Variants in ZNF28 observed in about 807,000 individuals in gnomAD.
ZNF28 encodes the protein zinc finger protein KOX24.
A neutral mutation model predicts 7.2 loss-of-function variants in ZNF28; 5 were observed. The ratio of observed to expected loss-of-function variants is 0.70; its 90% CI spans 0.36 to 1.46. The LOEUF (loss-of-function observed/expected upper bound fraction) is 1.46. ZNF28 is among the 40% of genes most tolerant of loss of function. ZNF28 has a pLI of 0.03. For synonymous variants in ZNF28, 288 were observed against 292.4 expected (o/e 0.99, Z 0.15); for missense variants, 879 against 866.6 (o/e 1.01, Z -0.18).
chr19:52,810,546 G>T, intron 2 of ZNF28: 1 of 1,596,110 alleles, frequency 6.3e-7, no homozygotes, highest in Non-Finnish European at 8.6e-7. Context: ...AACAGACCAG[G>T]CATCAGCACA....
At chr19:52,810,769 A>T (rs112092200) in intron 2 of ZNF28, 31 of 516,408 alleles carry the variant, frequency 6.0e-5, no homozygotes, top group South Asian at 9.0e-5. Context: ...AAAAAAGAAT[A>T]AAAAAAAACC....
chr19:52,801,066 C>T lies in ZNF28; in HGVS notation c.779G>A (p.Cys260Tyr), dbSNP rs1222614367. The T allele has an allele frequency of 4.3e-6, 7 of 1,614,156 alleles. No individual in the cohort carries two copies. Among genetic ancestry groups the T allele is most frequent in the Middle Eastern group, 1.6e-4 (1 of 6,062 alleles). ...KVFNQKRYLA[C>Y]HRRSHIDEKP... ...CTCATCAATGTGAGATCTACGATGG[C>T]ATGCAAGGTATCGCTTCTGATTAAA... The change falls in exon 4 of 4, where the codon TGC (cysteine) becomes TAC (tyrosine). Residue 260 changes from cysteine to tyrosine, a missense_variant. By Grantham distance (194) the Cys-to-Tyr change is radical. This residue lies in a region of ZNF28 where 864 missense variants were observed against 830.2 expected (regional missense o/e 1.04). Coordinates refer to ENST00000457749, the MANE Select transcript of ZNF28 (RefSeq NM_006969.5).
rs1324104408 is a variant in ZNF28, at chr19:52,797,558, T to C, written c.*2130A>G. On this transcript the variant is annotated 3_prime_UTR_variant, in exon 4 of 4. Coordinates refer to ENST00000457749, the MANE Select transcript of ZNF28 (RefSeq NM_006969.5). ...GCACCAAAAATTAGTTGAATTTCCA[T>C]ACATTAACATTAAATAATTTTAAAA... 1 of 152,278 alleles carries C rather than the reference T, an allele frequency of 6.6e-6. No individual in the cohort carries two copies. The highest frequency in any genetic ancestry group is 1.5e-5 in the Non-Finnish European group (1 of 68,024). 9.4% of individuals were successfully genotyped at this position (152,278 alleles called of 1,614,324 possible).
At chr19:52,808,221 T>C in intron 2 of ZNF28, 88 bp from the exon 3 acceptor site, 2 of 1,569,608 alleles carry the variant, frequency 1.3e-6, no homozygotes, top group South Asian at 1.2e-5. Flanking sequence ...AGCATGGATT[T>C]AGTTGTAGTG....
rs543381562 is a variant in ZNF28, at chr19:52,808,078, C to G, written c.71G>C (p.Cys24Ser). The G allele has an allele frequency of 9.9e-6, 16 of 1,613,508 alleles. No homozygotes were observed. The South Asian group carries it at 1.8e-4, about 18-fold the overall frequency. Residue 24 changes from cysteine to serine, a missense_variant, in exon 3 of 4, where the codon TGC becomes TCC. By Grantham distance (112) the Cys-to-Ser change is moderately radical. Transcript: ENST00000457749. ...AAGAGTCCTCTGAGCAGGGTCCAGG[C>G]ATTTCCACTCCTCCTGAGAGAATTC... ...AIEFSQEEWK[C>S]LDPAQRTLYR...
intron 1 of ZNF28, among the ~76,000 whole-genome samples, chr19:52,818,569 C>T (rs1382935027): frequency 2.0e-5 from 3 of 151,886 alleles, no homozygotes; most frequent in East Asian, 1.9e-4. Flanking sequence ...AAAAAGTAGC[C>T]GGGCTTGATG....
chr19:52,812,427 A>C (rs1455673179), intron 2 of ZNF28, among the ~76,000 whole-genome samples: 1 of 129,566 alleles, frequency 7.7e-6, no homozygotes, highest in Non-Finnish European at 1.6e-5. Context: ...ACTAAGAAAA[A>C]TACTTCTGCC....
chr19:52,811,441 A>C (rs1185954635), intron 2 of ZNF28, among the ~76,000 whole-genome samples: 1 of 136,378 alleles, frequency 7.3e-6, no homozygotes, highest in East Asian at 2.2e-4. Context: ...CCATCTAGGA[A>C]GCGAGGAGCG....
In ZNF28 at chr19:52,799,436, G is replaced by A. The variant is rs1244755716; in HGVS notation, c.*252C>T. 4.0e-6 allele frequency: 3 copies of A among 752,944 alleles called. No homozygotes were observed. Among genetic ancestry groups the A allele is most frequent in the Non-Finnish European group, 6.7e-6 (3 of 450,728 alleles). 46.6% of individuals were successfully genotyped at this position (752,944 alleles called of 1,614,324 possible). A position where few individuals can be genotyped will look rare whatever the true frequency, so the allele number is the denominator to read the frequency against. On this transcript the variant is annotated 3_prime_UTR_variant, in exon 4 of 4. Coordinates refer to ENST00000457749, the MANE Select transcript of ZNF28 (RefSeq NM_006969.5). The stretch of plus-strand genomic sequence containing the variant: ...AAACTTTGTCACATTCTTCCTATTT[G>A]TAAAGTTTCTCTGCAGTATGAATTC...
Position 52,801,015 on chromosome 19 carries a change from C to T in ZNF28, c.830G>A (p.Gly277Asp). Residue 277 changes from glycine to aspartate, a missense_variant, in exon 4 of 4, where the codon GGC becomes GAC. Around this residue, in one of 2 missense-constraint regions of ZNF28, gnomAD observed 864 missense variants for 830.2 expected, o/e 1.04. Transcript: ENST00000457749. ...GGATGTATTGTGACCAAAGATCTTGCCACACTCATTACACTTGTAAGGTTT... is the reference window on the plus strand; with the variant it reads ...GGATGTATTGTGACCAAAGATCTTGTCACACTCATTACACTTGTAAGGTTT... ...DEKPYKCNEC[G>D]KIFGHNTSLF... 1 of 1,614,078 alleles carries T rather than the reference C, an allele frequency of 6.2e-7. No homozygotes were observed. The highest frequency in any genetic ancestry group is 8.5e-7 in the Non-Finnish European group (1 of 1,180,008).
Position 52,808,077 on chromosome 19 carries a change from G to C in ZNF28, c.72C>G (p.Cys24Trp). 1.2e-6 allele frequency: 2 copies of C among 1,613,476 alleles called. No homozygotes were observed. The highest frequency in any genetic ancestry group is 1.7e-6 in the Non-Finnish European group (2 of 1,179,550). ...AIEFSQEEWKCLDPAQRTLYR... is the reference protein window; with the variant it reads ...AIEFSQEEWKWLDPAQRTLYR... ...AAAGAGTCCTCTGAGCAGGGTCCAG[G>C]CATTTCCACTCCTCCTGAGAGAATT... Residue 24 changes from cysteine (C) to tryptophan (W), a missense_variant, in exon 3 of 4, where the codon TGC becomes TGG. Coordinates refer to ENST00000457749, the MANE Select transcript of ZNF28 (RefSeq NM_006969.5).
intron 2 of ZNF28, chr19:52,810,366 T>C (rs1400434178): frequency 3.1e-6 from 5 of 1,604,854 alleles, no homozygotes; most frequent in Middle Eastern, 4.2e-4. Flanking sequence ...GGAAGCTCAC[T>C]TTCATGGCTG....
Position 52,817,941 on chromosome 19 carries a change from C to A in ZNF28, c.15+3G>T. On this transcript the variant is annotated splice_donor_region_variant and intron_variant, in intron 2 of 3. Transcript: ENST00000457749. ...GAGCAATCCACCGAGAATACCATCTCACCTGAGGAAGAGCCATCCCTGACT... is the reference window on the plus strand; with the variant it reads ...GAGCAATCCACCGAGAATACCATCTAACCTGAGGAAGAGCCATCCCTGACT... 6.2e-7 allele frequency: 1 copy of A among 1,610,816 alleles called. No homozygotes were observed. Among genetic ancestry groups the A allele is most frequent in the Non-Finnish European group, 8.5e-7 (1 of 1,179,842 alleles).
Position 52,800,346 on chromosome 19 carries a change from C to G in ZNF28, c.1499G>C (p.Cys500Ser), listed in dbSNP as rs770134776. The G allele has an allele frequency of 3.7e-6, 6 of 1,613,952 alleles. No individual in the cohort carries two copies. Among genetic ancestry groups the G allele is most frequent in the Middle Eastern group, 1.6e-4 (1 of 6,084 alleles). Residue 500 changes from cysteine (C) to serine (S), a missense_variant, in exon 4 of 4, where the codon TGT becomes TCT. Coordinates refer to ENST00000457749, the MANE Select transcript of ZNF28 (RefSeq NM_006969.5). ...TGAATCACTCCGGAAAGCCTTGTCA[C>G]AAACCTTACATTTGTATGGTTTCTC... ...TGEKPYKCKV[C>S]DKAFRSDSCL...
intron 2 of ZNF28, chr19:52,810,636 T>TA: frequency 7.4e-7 from 1 of 1,347,460 alleles, no homozygotes; most frequent in Non-Finnish European, 1.1e-6. Context: ...TCTACAGTGG[T>TA]TTTAACAGCA....
rs1466882451 is a variant in ZNF28, at chr19:52,801,397, C to T, written c.448G>A (p.Glu150Lys). 1.1e-5 allele frequency: 17 copies of T among 1,614,062 alleles called. No homozygotes were observed. The highest frequency in any genetic ancestry group is 1.4e-5 in the Non-Finnish European group (16 of 1,180,052). The change falls in exon 4 of 4, where the codon GAA becomes AAA. Residue 150 changes from glutamate to lysine, a missense_variant. Coordinates refer to ENST00000457749, the MANE Select transcript of ZNF28 (RefSeq NM_006969.5). ...LGLSFHSHLPELHIFQPEGKI... is the reference protein window; with the variant it reads ...LGLSFHSHLPKLHIFQPEGKI... ...CCTTCAGGCTGAAATATGTGCAGTT[C>T]AGGCAGATGCGAATGAAAGCTTAAT...
intron 2 of ZNF28, among the ~76,000 whole-genome samples, chr19:52,813,796 C>G (rs73067558): frequency 0.056 from 8,180 of 146,616 alleles, 1,105 homozygotes; most frequent in African/African-American, 0.1. Flanking sequence ...GGGAAATGCA[C>G]TACCTTGTTT....
Position 52,800,029 on chromosome 19 carries a change from G to T in ZNF28, c.1816C>A (p.Pro606Thr). ...QHQRVHTGEK[P>T]YKCNECGKTF... ...TTGCCACACTCATTACACTTGTAAG[G>T]TTTCTCTCCAGTATGAACTCTCTGA... The change falls in exon 4 of 4, where the codon CCT becomes ACT. Residue 606 changes from proline to threonine, a missense_variant. Coordinates refer to ENST00000457749, the MANE Select transcript of ZNF28 (RefSeq NM_006969.5). 2 of 1,614,184 alleles carry T rather than the reference G, an allele frequency of 1.2e-6. No individual in the cohort carries two copies. The highest frequency in any genetic ancestry group is 1.7e-6 in the Non-Finnish European group (2 of 1,180,020).
rs543655834 is a variant in ZNF28 at position 52,815,562 on chromosome 19, C to T, written c.15+2382G>A. Among the ~76,000 whole-genome samples, 6 of 146,412 alleles carry T rather than the reference C, an allele frequency of 4.1e-5. No homozygotes were observed. In the East Asian group the frequency reaches 6.0e-4, roughly 15 times the overall value. On this transcript the variant is annotated intron_variant, in intron 2 of 3. Transcript: ENST00000457749. ...ATAACTGTCTGGGCGTGGTGGCTCA[C>T]GCCTGTAATCCCAGCACTTTGGGAG... is the stretch of plus-strand genomic sequence containing the variant.
Sources: gnomAD v4.1 joint callset for allele counts (sites outside exome capture counted in the v4.1 genomes callset) on GRCh38, gnomAD v4.1.1 for gene constraint, gnomAD v4.1.1 regional missense constraint, MANE v1.5 for transcripts, NCBI Gene and HGNC (gene_info 2026-07-23, HGNC 2026-07-21) for gene names.